SOX6: variants seen among roughly 807,000 people sequenced by gnomAD.
SOX6 encodes the protein transcription factor SOX-6.
In SOX6, 11 loss-of-function variants were observed where a neutral mutation model predicts 97.8. The ratio of observed to expected loss-of-function variants is 0.11; its 90% CI spans 0.07 to 0.19. The LOEUF is 0.19. Among genes scored for constraint, SOX6 ranks in the 10% least tolerant of loss-of-function variants. The probability of loss-of-function intolerance (pLI) is 1.00; values close to 1 mark genes in which losing one functional copy is unlikely to be tolerated. For synonymous variants in SOX6, 360 were observed against 371.4 expected (o/e 0.97, Z 0.35); for missense variants, 810 against 1,039.5 (o/e 0.78, Z 3.04).
chr11:16,208,276 A>G (rs779779475), intron 4 of SOX6, among the ~76,000 whole-genome samples: 34 of 152,234 alleles, frequency 2.2e-4, no homozygotes, highest in Non-Finnish European at 4.7e-4. Flanking sequence ...GTACTCCAAA[A>G]AGCATTTTGG....
At chr11:16,367,229 AAGT>A (rs1426039518) in intron 1 of SOX6, among the ~76,000 whole-genome samples, 1 of 152,150 alleles carries the variant, frequency 6.6e-6, no homozygotes, top group Admixed American at 6.6e-5. Flanking sequence ...CCTTGTTTTG[AAGT>A]ATACTGTCTT....
intron 1 of SOX6, among the ~76,000 whole-genome samples, chr11:16,426,294 A>C (rs1172680247): frequency 8.7e-6 from 1 of 115,446 alleles, no homozygotes; most frequent in Non-Finnish European, 1.8e-5. Context: ...AAAAAAAAAA[A>C]AACCACTATT....
At chr11:16,647,159 G>A (rs1849027519) in intron 3 of SOX6, among the ~76,000 whole-genome samples, 1 of 152,072 alleles carries the variant, frequency 6.6e-6, no homozygotes, top group African/African-American at 2.4e-5. Flanking sequence ...TATAGATTGT[G>A]AGGCTTTTCA....
chr11:16,655,297 T>A (rs1020530557), intron 3 of SOX6, among the ~76,000 whole-genome samples: 1 of 152,180 alleles, frequency 6.6e-6, no homozygotes, highest in African/African-American at 2.4e-5. Context: ...TGATCCCAGC[T>A]AAATCAATCT....
At chr11:16,139,259 A>G (rs1476825288) in intron 6 of SOX6, among the ~76,000 whole-genome samples, 1 of 152,096 alleles carries the variant, frequency 6.6e-6, no homozygotes, top group Non-Finnish European at 1.5e-5. Context: ...ATGTGAATGT[A>G]TCGTTCTTTA....
intron 2 of SOX6, among the ~76,000 whole-genome samples, chr11:16,338,021 G>A (rs17462448): frequency 0.055 from 8,401 of 152,008 alleles, 297 homozygotes; most frequent in Non-Finnish European, 0.08. Context: ...ACATTTCAAA[G>A]TAAAACCCTT....
chr11:16,229,132 T>G (rs1852773418), intron 4 of SOX6, among the ~76,000 whole-genome samples: 1 of 152,126 alleles, frequency 6.6e-6, no homozygotes, highest in Admixed American at 6.6e-5. Flanking sequence ...GTTCTCTCCC[T>G]TTCCCAGCTT....
intron 13 of SOX6, among the ~76,000 whole-genome samples, chr11:16,009,579 C>T (rs894676200): frequency 2.6e-5 from 4 of 151,998 alleles, no homozygotes; most frequent in Non-Finnish European, 5.9e-5. Flanking sequence ...TGAATTAGGA[C>T]GAGCCTCTCA....
chr11:16,478,783 T>C (rs1052255100), upstream of SOX6, among the ~76,000 whole-genome samples: 1 of 152,174 alleles, frequency 6.6e-6, no homozygotes, highest in African/African-American at 2.4e-5. Flanking sequence ...TTTTAAGAAC[T>C]AGAAAAGTTT....
At chr11:16,558,738 T>C (rs777901261) in intron 4 of SOX6, among the ~76,000 whole-genome samples, 30 of 152,022 alleles carry the variant, frequency 2.0e-4, no homozygotes, top group South Asian at 4.1e-4. Flanking sequence ...CTAACCCTTA[T>C]GAGCAAACTC....
At chr11:16,359,111 A>G (rs983454989), upstream of SOX6, among the ~76,000 whole-genome samples, 1 of 152,118 alleles carries the variant, frequency 6.6e-6, no homozygotes, top group African/African-American at 2.4e-5. Context: ...AGCCCAGAAG[A>G]AGGAACAAAT....
chr11:16,732,266 C>T (rs539432938), intron 2 of SOX6, among the ~76,000 whole-genome samples: 1 of 152,232 alleles, frequency 6.6e-6, no homozygotes, highest in South Asian at 2.1e-4. Context: ...CAAAAAAGAG[C>T]CCATATACCC....
chr11:16,261,120 T>C (rs7952254), intron 3 of SOX6, among the ~76,000 whole-genome samples: 118,888 of 151,984 alleles, frequency 0.78, 46,639 homozygotes, highest in Non-Finnish European at 0.8. Flanking sequence ...ATGACTTTTG[T>C]CATACTTTGT....
rs1015788322 is a variant in SOX6 at position 16,610,297 on chromosome 11, T to C, written n.609+1784A>G. ...ACCAAGTCCTCAGGGAAGAGCCACC[T>C]AGAGAGGTGAAACATTAGGGACGGA... On this transcript the variant is annotated intron_variant and non_coding_transcript_variant, in intron 4 of 5. Transcript: ENST00000524520. The surrounding 1 kb of genome is among the most constrained non-coding windows in gnomAD (Gnocchi z 4.4). 6.6e-6 allele frequency among the ~76,000 whole-genome samples: 1 copy of C among 152,182 alleles called. No individual in the cohort carries two copies. Among genetic ancestry groups the C allele is most frequent in the South Asian group, 2.1e-4 (1 of 4,828 alleles).
intron 3 of SOX6, among the ~76,000 whole-genome samples, chr11:16,659,283 C>G (rs1016285782): frequency 6.6e-6 from 1 of 152,194 alleles, no homozygotes; most frequent in Non-Finnish European, 1.5e-5. Context: ...GTTCCAGCAG[C>G]ATTTTTTGAA....
chr11:16,350,861 C>T (rs747422235), intron 1 of SOX6, among the ~76,000 whole-genome samples: 2 of 151,984 alleles, frequency 1.3e-5, no homozygotes, highest in Admixed American at 6.6e-5. Flanking sequence ...CACAACACAT[C>T]GTAGACAATC....
chr11:16,588,303 GAACT>G (rs1291884676), intron 4 of SOX6, among the ~76,000 whole-genome samples: 1 of 152,146 alleles, frequency 6.6e-6, no homozygotes, highest in Non-Finnish European at 1.5e-5. Flanking sequence ...ACCAACGAAA[GAACT>G]AATTCCTAGA....
intron 3 of SOX6, among the ~76,000 whole-genome samples, chr11:16,301,647 C>A (rs1855260619): frequency 2.0e-5 from 3 of 151,990 alleles, no homozygotes; most frequent in Admixed American, 2.0e-4. Flanking sequence ...CATGTTGGGG[C>A]TAAAGGTATA....
At chr11:16,581,554 A>C (rs1848032501) in intron 4 of SOX6, among the ~76,000 whole-genome samples, 1 of 152,162 alleles carries the variant, frequency 6.6e-6, no homozygotes, top group African/African-American at 2.4e-5. Flanking sequence ...TGGCATACGT[A>C]TACCTGTGTA....
Sources: allele counts gnomAD v4.1 joint callset (sites outside exome capture counted in the v4.1 genomes callset), GRCh38; gene constraint gnomAD v4.1.1; non-coding constraint Gnocchi (gnomAD v3.1); transcripts MANE v1.5; gene names NCBI Gene and HGNC (gene_info 2026-07-23, HGNC 2026-07-21).